Variants in CYP39A1 observed in about 807,000 individuals in gnomAD.
CYP39A1 encodes the protein 24-hydroxycholesterol 7-alpha-hydroxylase.
CYP39A1 carries 49 observed loss-of-function variants against 58.1 expected under a neutral mutation model. That is an observed-to-expected ratio of 0.84 (90% CI 0.67 to 1.07). The LOEUF (loss-of-function observed/expected upper bound fraction) is 1.07. Among genes scored for constraint, CYP39A1 ranks in the 50% least tolerant of loss-of-function variants. CYP39A1 has a pLI of 0.00. For missense variants in CYP39A1, 531 were observed against 539.4 expected (o/e 0.98, Z 0.16); for synonymous variants, 209 against 187.6 (o/e 1.11, Z -0.93).
At position 46,583,654 on chromosome 6, in the gene CYP39A1, A is replaced by G. The variant is rs1008773032; in HGVS notation, c.1250+3423T>C. 10 of 921,092 alleles carry G rather than the reference A, an allele frequency of 1.1e-5. No homozygotes were observed. In the African/African-American group the frequency reaches 1.6e-4, roughly 15 times the overall value. The allele number at this position is 921,092 out of a possible 1,614,324, so 57.1% of individuals were successfully genotyped here. The stretch of plus-strand genomic sequence containing the variant: ...AGAATTACTAGAAAGATTTTCTTCC[A>G]TGTGCTACAAGGAAGTGCCTCGCAG... On this transcript the variant is annotated intron_variant, in intron 10 of 11. Coordinates refer to ENST00000275016, the MANE Select transcript of CYP39A1 (RefSeq NM_016593.5).
intron 7 of CYP39A1, among the ~76,000 whole-genome samples, chr6:46,606,769 C>A (rs1432528015): frequency 6.6e-6 from 1 of 152,112 alleles, no homozygotes; most frequent in African/African-American, 2.4e-5. Context: ...ATTGCATACT[C>A]ATAATGATGT....
intron 10 of CYP39A1, among the ~76,000 whole-genome samples, chr6:46,567,362 T>C (rs934379326): frequency 4.6e-5 from 7 of 152,136 alleles, no homozygotes; most frequent in African/African-American, 2.4e-5. Flanking sequence ...AACTTTTTTA[T>C]CCATTTATCA....
intron 10 of CYP39A1, among the ~76,000 whole-genome samples, chr6:46,556,669 A>C (rs1169097318): frequency 1.3e-5 from 2 of 152,150 alleles, no homozygotes; most frequent in Non-Finnish European, 2.9e-5. Flanking sequence ...GGATTAGATT[A>C]TTTTACATTA....
At position 46,612,929 on chromosome 6, in the gene CYP39A1, A is replaced by G. The variant is rs1033890941; in HGVS notation, c.931+12489T>C. Among the ~76,000 whole-genome samples, 9 of 152,244 alleles carry G rather than the reference A, an allele frequency of 5.9e-5. 1 individual carries two copies. The highest frequency in any genetic ancestry group is 3.3e-4 in the Admixed American group (5 of 15,284). ...TCAGGTCTACAATATGCCATGATGG[A>G]GTCCTCCAAGAAGGTTGTTATTGGT... On this transcript the variant is annotated intron_variant, in intron 7 of 11. Coordinates refer to ENST00000275016, the MANE Select transcript of CYP39A1 (RefSeq NM_016593.5).
intron 1 of CYP39A1, among the ~76,000 whole-genome samples, chr6:46,646,433 C>T (rs185444980): frequency 1.3e-5 from 2 of 151,994 alleles, no homozygotes; most frequent in East Asian, 1.9e-4. Context: ...AGACTTCACT[C>T]GGTAATTCTT....
chr6:46,561,488 C>A (rs1048360831), intron 10 of CYP39A1, among the ~76,000 whole-genome samples: 1 of 151,978 alleles, frequency 6.6e-6, no homozygotes. Context: ...AAGGGACAGA[C>A]TTAGAAGAAA....
chr6:46,563,501 C>T (rs1771091854), intron 10 of CYP39A1, among the ~76,000 whole-genome samples: 3 of 152,068 alleles, frequency 2.0e-5, no homozygotes, highest in Non-Finnish European at 4.4e-5. Flanking sequence ...TTAAATACTT[C>T]ATTAAGGAAT....
At chr6:46,588,650 G>A (rs1202090319) in intron 8 of CYP39A1, among the ~76,000 whole-genome samples, 4 of 151,324 alleles carry the variant, frequency 2.6e-5, no homozygotes, top group African/African-American at 9.7e-5. Context: ...ACTAATGACA[G>A]TGTTAGAGCA....
intron 6 of CYP39A1, among the ~76,000 whole-genome samples, chr6:46,625,741 T>A (rs1014253926): frequency 6.6e-6 from 1 of 152,018 alleles, no homozygotes; most frequent in African/African-American, 2.4e-5. Flanking sequence ...AATTTAACTA[T>A]ATAATTTAAA....
intron 10 of CYP39A1, among the ~76,000 whole-genome samples, chr6:46,562,158 G>T (rs1239552070): frequency 6.6e-6 from 1 of 152,056 alleles, no homozygotes; most frequent in African/African-American, 2.4e-5. Flanking sequence ...GAGTAGCTGG[G>T]ATTACAGGCA....
intron 6 of CYP39A1, among the ~76,000 whole-genome samples, chr6:46,629,201 A>G (rs1370854975): frequency 6.6e-6 from 1 of 152,202 alleles, no homozygotes; most frequent in Non-Finnish European, 1.5e-5. Flanking sequence ...TTCTGAAATG[A>G]ATGATTTAAA....
intron 7 of CYP39A1, among the ~76,000 whole-genome samples, chr6:46,601,413 A>G (rs1404206008): frequency 6.6e-6 from 1 of 152,116 alleles, no homozygotes; most frequent in African/African-American, 2.4e-5. Context: ...CTTCAATACC[A>G]TTTAGAATTA....
At chr6:46,600,223 GGTTCAAGC>G (rs1256389336) in intron 7 of CYP39A1, among the ~76,000 whole-genome samples, 30 of 151,976 alleles carry the variant, frequency 2.0e-4, no homozygotes, top group Non-Finnish European at 3.8e-4. Context: ...CTGACTCCCA[GGTTCAAGC>G]GATTCAGCCT....
chr6:46,634,331 A>G (rs1049689271), intron 5 of CYP39A1, among the ~76,000 whole-genome samples: 2 of 152,070 alleles, frequency 1.3e-5, no homozygotes, highest in African/African-American at 2.4e-5. Context: ...GCCATGTGGA[A>G]CCATTAAACC....
chr6:46,594,476 A>T (rs1490240334), intron 8 of CYP39A1, among the ~76,000 whole-genome samples: 1 of 152,110 alleles, frequency 6.6e-6, no homozygotes, highest in African/African-American at 2.4e-5. Flanking sequence ...AGATCAATAG[A>T]ACAGAATAGA....
At chr6:46,603,510 C>T (rs550152865) in intron 7 of CYP39A1, among the ~76,000 whole-genome samples, 1 of 152,138 alleles carries the variant, frequency 6.6e-6, no homozygotes, top group Non-Finnish European at 1.5e-5. Context: ...CCTTTTTTCT[C>T]CCCTTCCTCT....
At chr6:46,583,790 T>C (rs1772296101) in intron 10 of CYP39A1, among the ~76,000 whole-genome samples, 1 of 152,182 alleles carries the variant, frequency 6.6e-6, no homozygotes, top group Non-Finnish European at 1.5e-5. Flanking sequence ...GAGTACATAC[T>C]GACTTAAATC....
At chr6:46,645,971 C>T (rs967232171) in intron 1 of CYP39A1, among the ~76,000 whole-genome samples, 1 of 152,024 alleles carries the variant, frequency 6.6e-6, no homozygotes, top group Admixed American at 6.6e-5. Flanking sequence ...TGTAACCAAA[C>T]AATTGATATC....
chr6:46,554,112 C>T (rs752346420), intron 10 of CYP39A1, among the ~76,000 whole-genome samples: 7 of 152,112 alleles, frequency 4.6e-5, no homozygotes, highest in Non-Finnish European at 1.0e-4. Flanking sequence ...AATGACAGTC[C>T]CAAGTCTCTC....
Sources: gnomAD v4.1 joint callset for allele counts (sites outside exome capture counted in the v4.1 genomes callset) on GRCh38, gnomAD v4.1.1 for gene constraint, MANE v1.5 for transcripts, NCBI Gene and HGNC (gene_info 2026-07-23, HGNC 2026-07-21) for gene names.